CALN1: variants seen among roughly 807,000 people sequenced by gnomAD.
CALN1 encodes calcium-binding protein 8.
CALN1 carries 17 observed loss-of-function variants against 30.6 expected under a neutral mutation model. The observed-to-expected ratio is 0.56, with a 90% CI of 0.38 to 0.83. CALN1 has a LOEUF of 0.83. CALN1 is among the 40% of genes least tolerant of loss of function. The probability of loss-of-function intolerance (pLI) is 0.00; values close to 1 mark genes in which losing one functional copy is unlikely to be tolerated. For missense variants in CALN1, 291 were observed against 354.9 expected, an observed-to-expected ratio of 0.82 and a Z score of 1.45; for synonymous variants, 156 against 131.4, an observed-to-expected ratio of 1.19 and a Z score of -1.28.
At chr7:72,179,092 T>G (rs7795523) in intron 3 of CALN1, among the ~76,000 whole-genome samples, 1 of 152,104 alleles carries the variant, frequency 6.6e-6, no homozygotes, top group African/African-American at 2.4e-5. Flanking sequence ...AAGTTTTCAG[T>G]TGAACTCATA....
intron 3 of CALN1, among the ~76,000 whole-genome samples, chr7:72,179,623 T>G (rs894724705): frequency 6.6e-6 from 1 of 152,156 alleles, no homozygotes; most frequent in African/African-American, 2.4e-5. Context: ...ACTTCATATA[T>G]CCACCTAATT....
chr7:72,434,536 A>C (rs889367723), intron 1 of CALN1, among the ~76,000 whole-genome samples: 4 of 151,478 alleles, frequency 2.6e-5, no homozygotes, highest in African/African-American at 9.7e-5. Flanking sequence ...GGAGAAGGAG[A>C]AGGAGAAGGA....
intron 2 of CALN1, among the ~76,000 whole-genome samples, chr7:72,316,998 G>T (rs1800505896): frequency 6.9e-6 from 1 of 145,096 alleles, no homozygotes; most frequent in African/African-American, 2.6e-5. Flanking sequence ...AAAAAGGAAA[G>T]GAAAGGAAAG....
At chr7:72,392,721 AT>A (rs1805653831) in intron 2 of CALN1, among the ~76,000 whole-genome samples, 1 of 152,176 alleles carries the variant, frequency 6.6e-6, no homozygotes, top group African/African-American at 2.4e-5. Flanking sequence ...CATATCTGTA[AT>A]CCCAGCAGTT....
intron 3 of CALN1, among the ~76,000 whole-genome samples, chr7:72,111,498 C>T (rs368515568): frequency 3.3e-5 from 5 of 152,262 alleles, no homozygotes; most frequent in South Asian, 2.1e-4. Context: ...TGCTCTGTTG[C>T]CCAGGCTGAA....
chr7:72,295,788 A>T (rs1798813905), intron 2 of CALN1, among the ~76,000 whole-genome samples: 1 of 151,644 alleles, frequency 6.6e-6, no homozygotes, highest in African/African-American at 2.4e-5. Context: ...TTTTCTAGAT[A>T]TACAATCATG....
chr7:72,201,929 C>T (rs1007976765), intron 3 of CALN1, among the ~76,000 whole-genome samples: 3 of 152,036 alleles, frequency 2.0e-5, no homozygotes, highest in Non-Finnish European at 4.4e-5. Context: ...GAACTACGTC[C>T]GGACAGACCT....
At chr7:72,299,339 C>T (rs539425521) in intron 2 of CALN1, among the ~76,000 whole-genome samples, 2 of 152,202 alleles carry the variant, frequency 1.3e-5, no homozygotes, top group South Asian at 4.1e-4. Flanking sequence ...AGAAATTCTA[C>T]TTAATGCAGT....
chr7:72,387,545 A>C (rs934061871), intron 2 of CALN1, among the ~76,000 whole-genome samples: 2 of 152,136 alleles, frequency 1.3e-5, no homozygotes, highest in African/African-American at 4.8e-5. Context: ...TGACAGTGTA[A>C]GCCTTTGATA....
At chr7:72,129,316 C>A (rs976538030) in intron 3 of CALN1, among the ~76,000 whole-genome samples, 2 of 152,116 alleles carry the variant, frequency 1.3e-5, no homozygotes, top group African/African-American at 4.8e-5. Context: ...TGCAATTTGG[C>A]AATTTATACT....
intron 3 of CALN1, among the ~76,000 whole-genome samples, chr7:72,249,399 A>G (rs920366326): frequency 3.3e-5 from 5 of 152,322 alleles, no homozygotes; most frequent in African/African-American, 1.2e-4. Context: ...GGCTCAAGGA[A>G]GTCAAGAAAC....
chr7:71,950,841 C>G (rs1345842349), intron 5 of CALN1, among the ~76,000 whole-genome samples: 1 of 152,192 alleles, frequency 6.6e-6, no homozygotes, highest in African/African-American at 2.4e-5. Context: ...GCTGCTCCCA[C>G]CTTAGGACTT....
At chr7:72,108,942 T>A (rs1395984472) in intron 3 of CALN1, among the ~76,000 whole-genome samples, 5 of 152,210 alleles carry the variant, frequency 3.3e-5, no homozygotes, top group African/African-American at 1.2e-4. Flanking sequence ...AGCCAAGTTA[T>A]CTCCCTTTCT....
At chr7:72,465,943 C>G in the CALN1 span, among the ~76,000 whole-genome samples, 3 of 152,176 alleles carry the variant, frequency 2.0e-5, no homozygotes, top group South Asian at 6.2e-4. Context: ...ACCCCCACCA[C>G]GAGACAATCC....
intron 4 of CALN1, among the ~76,000 whole-genome samples, chr7:72,053,906 G>GAGTTACT (rs1383615772): frequency 3.3e-5 from 5 of 150,894 alleles, no homozygotes; most frequent in African/African-American, 9.8e-5. Flanking sequence ...TTCCATTCCT[G>GAGTTACT]AGTTACTTCA....
chr7:72,387,595 T>TC (rs945332133), intron 2 of CALN1, among the ~76,000 whole-genome samples: 1 of 151,854 alleles, frequency 6.6e-6, no homozygotes. Context: ...GTGATCTTCC[T>TC]CCCCTACACC....
At chr7:72,077,431 G>A (rs777828217) in intron 4 of CALN1, among the ~76,000 whole-genome samples, 12 of 152,068 alleles carry the variant, frequency 7.9e-5, no homozygotes, top group Non-Finnish European at 1.8e-4. Flanking sequence ...ACACCATCAC[G>A]CCCAGCTAAT....
chr7:72,469,067 G>T, the CALN1 span, among the ~76,000 whole-genome samples: 1 of 152,054 alleles, frequency 6.6e-6, no homozygotes, highest in Non-Finnish European at 1.5e-5. Flanking sequence ...TGATAAAGTT[G>T]AATGTTTCTA....
intron 2 of CALN1, among the ~76,000 whole-genome samples, chr7:72,374,226 C>T (rs143375484): frequency 2.6e-5 from 4 of 152,232 alleles, no homozygotes; most frequent in African/African-American, 9.6e-5. Flanking sequence ...ATAGACTATT[C>T]TTCTATTGAA....
Sources: gnomAD v4.1 joint callset for allele counts (sites outside exome capture counted in the v4.1 genomes callset) on GRCh38, gnomAD v4.1.1 for gene constraint, MANE v1.5 for transcripts, NCBI Gene and HGNC (gene_info 2026-07-23, HGNC 2026-07-21) for gene names.